Variants in HIVEP2 observed in about 807,000 individuals in gnomAD.
HIVEP2 encodes the protein transcription factor HIVEP2.
HIVEP2 carries 14 observed loss-of-function variants against 180.7 expected under a neutral mutation model. The ratio of observed to expected loss-of-function variants is 0.08; its 90% confidence interval spans 0.05 to 0.12. The LOEUF (loss-of-function observed/expected upper bound fraction) is 0.12. Among genes scored for constraint, HIVEP2 ranks in the 10% least tolerant of loss-of-function variants. HIVEP2 has a pLI of 1.00. For missense variants in HIVEP2, 2,579 were observed against 3,008.5 expected (o/e 0.86, Z 3.34); for synonymous variants, 1,184 against 1,136.4 (o/e 1.04, Z -0.84).
intron 1 of HIVEP2, among the ~76,000 whole-genome samples, chr6:142,938,426 G>A (rs7765677): frequency 0.96 from 145,666 of 152,364 alleles, 69,673 homozygotes; most frequent in African/African-American, 0.99. Flanking sequence ...CTAGCGTTTT[G>A]GTGAACAAAG....
rs1375971556 is a variant in HIVEP2 at position 142,776,179 on chromosome 6, G to T, written c.-420C>A. ...GTTTAGAGTTCTTATGGGCATGATT[G>T]TCCTGACGCTTCCTGGATACAAAAT... On this transcript the variant is annotated 5_prime_UTR_variant, in exon 4 of 10. Transcript: ENST00000367603. 1 of 152,596 alleles carries T rather than the reference G, an allele frequency of 6.6e-6. No individual in the cohort carries two copies. The highest frequency in any genetic ancestry group is 1.9e-4 in the East Asian group (1 of 5,192). The allele number at this position is 152,596 out of a possible 1,614,324, so 9.5% of individuals were successfully genotyped here.
At chr6:142,907,896 G>T (rs552118746) in intron 1 of HIVEP2, among the ~76,000 whole-genome samples, 72 of 152,242 alleles carry the variant, frequency 4.7e-4, no homozygotes, top group African/African-American at 1.6e-3. Flanking sequence ...TTCACCCCAT[G>T]TATTTCTAAC....
At chr6:142,782,942 A>T (rs762515597) in intron 3 of HIVEP2, among the ~76,000 whole-genome samples, 7 of 152,224 alleles carry the variant, frequency 4.6e-5, no homozygotes, top group Non-Finnish European at 7.3e-5. Context: ...ATTATACAGC[A>T]AAAGTTATTA....
At chr6:142,896,285 C>T (rs1394010845) in intron 1 of HIVEP2, among the ~76,000 whole-genome samples, 1 of 152,330 alleles carries the variant, frequency 6.6e-6, no homozygotes, top group South Asian at 2.1e-4. Flanking sequence ...CCATCTTCCT[C>T]CTCCTCCTGC....
intron 1 of HIVEP2, among the ~76,000 whole-genome samples, chr6:142,861,903 G>A (rs1775986930): frequency 1.3e-5 from 2 of 152,132 alleles, no homozygotes; most frequent in Non-Finnish European, 2.9e-5. Context: ...AAGAACAGAT[G>A]GCTATTCTGG....
intron 1 of HIVEP2, among the ~76,000 whole-genome samples, chr6:142,898,838 A>G (rs928346912): frequency 6.6e-6 from 1 of 152,178 alleles, no homozygotes; most frequent in Admixed American, 6.5e-5. Context: ...GCCACTAAGT[A>G]CTGTGTGCTA....
intron 9 of HIVEP2, among the ~76,000 whole-genome samples, chr6:142,757,857 A>G (rs1369532895): frequency 6.6e-6 from 1 of 152,140 alleles, no homozygotes. Context: ...GTTGCTATAA[A>G]TTTTTACAAC....
chr6:142,886,929 G>A (rs1276090476), intron 1 of HIVEP2, among the ~76,000 whole-genome samples: 1 of 152,234 alleles, frequency 6.6e-6, no homozygotes. Context: ...ACAAATACAG[G>A]TGCAACATAT....
chr6:142,767,962 A>C (rs1244839471), intron 6 of HIVEP2, among the ~76,000 whole-genome samples: 2 of 152,206 alleles, frequency 1.3e-5, no homozygotes, highest in Non-Finnish European at 2.9e-5. Context: ...AAAAACAAAC[A>C]AACAAATTAA....
intron 1 of HIVEP2, among the ~76,000 whole-genome samples, chr6:142,853,678 G>A (rs953030608): frequency 2.0e-5 from 3 of 152,250 alleles, no homozygotes; most frequent in South Asian, 4.1e-4. Flanking sequence ...TACAAGGACC[G>A]TAAAAGTCTA....
At chr6:142,904,971 T>C (rs1777226973) in intron 1 of HIVEP2, among the ~76,000 whole-genome samples, 1 of 152,212 alleles carries the variant, frequency 6.6e-6, no homozygotes, top group Non-Finnish European at 1.5e-5. Flanking sequence ...CAAGTATGAC[T>C]CCTCTCCTTT....
At chr6:142,882,614 T>TA (rs1014360087) in intron 1 of HIVEP2, among the ~76,000 whole-genome samples, 31 of 81,700 alleles carry the variant, frequency 3.8e-4, no homozygotes, top group Non-Finnish European at 1.5e-4. Flanking sequence ...ACTCTGTCTA[T>TA]AAAAAACAGA....
intron 2 of HIVEP2, among the ~76,000 whole-genome samples, chr6:142,808,369 G>C (rs898405691): frequency 1.3e-5 from 2 of 150,724 alleles, no homozygotes; most frequent in African/African-American, 4.9e-5. Flanking sequence ...GGATGGAAGA[G>C]ATAGAGGCAG....
chr6:142,784,856 T>G (rs575818537), intron 2 of HIVEP2, among the ~76,000 whole-genome samples: 1 of 152,142 alleles, frequency 6.6e-6, no homozygotes, highest in Non-Finnish European at 1.5e-5. Context: ...AAAATATACA[T>G]TTTCTATAAG....
chr6:142,865,998 G>A (rs906180558), intron 1 of HIVEP2, among the ~76,000 whole-genome samples: 1 of 152,180 alleles, frequency 6.6e-6, no homozygotes, highest in Admixed American at 6.6e-5. Flanking sequence ...CCAGCTGGAT[G>A]ACCTTGACAA....
chr6:142,823,009 C>T (rs1777080831), intron 2 of HIVEP2, among the ~76,000 whole-genome samples: 1 of 152,204 alleles, frequency 6.6e-6, no homozygotes, highest in Non-Finnish European at 1.5e-5. Flanking sequence ...CTAAGTATAT[C>T]TAGGATTCCA....
At chr6:142,812,515 T>C (rs1207586704) in intron 2 of HIVEP2, among the ~76,000 whole-genome samples, 1 of 152,112 alleles carries the variant, frequency 6.6e-6, no homozygotes, top group African/African-American at 2.4e-5. Flanking sequence ...CCATGCCCCA[T>C]AACAAACCTC....
At chr6:142,921,147 C>T (rs755634501) in intron 1 of HIVEP2, among the ~76,000 whole-genome samples, 1 of 152,206 alleles carries the variant, frequency 6.6e-6, no homozygotes, top group East Asian at 1.9e-4. Flanking sequence ...CCAAAACATA[C>T]TAGCAGTGTG....
intron 7 of HIVEP2, among the ~76,000 whole-genome samples, chr6:142,763,268 G>A (rs920363134): frequency 2.0e-5 from 3 of 152,114 alleles, no homozygotes; most frequent in South Asian, 2.1e-4. Context: ...GAGAGTGGCG[G>A]GGGAGGCCCC....
Sources: gnomAD v4.1 joint callset for allele counts (sites outside exome capture counted in the v4.1 genomes callset) on GRCh38, gnomAD v4.1.1 for gene constraint, MANE v1.5 for transcripts, NCBI Gene and HGNC (gene_info 2026-07-23, HGNC 2026-07-21) for gene names.